ZMAT3: variants seen among roughly 807,000 people sequenced by gnomAD.
The protein encoded by ZMAT3 is zinc finger matrin-type 3, also known as zinc finger matrin-type protein 3.
A neutral mutation model predicts 32.3 loss-of-function variants in ZMAT3; 17 were observed. The ratio of observed to expected loss-of-function variants is 0.53; its 90% CI spans 0.36 to 0.79. The LOEUF is 0.79. ZMAT3 is among the 30% of genes least tolerant of loss of function. ZMAT3 has a pLI of 0.00. For synonymous variants in ZMAT3, 120 were observed against 133.1 expected (o/e 0.90, Z 0.68); for missense variants, 329 against 359.7 (o/e 0.91, Z 0.69).
chr3:179,031,080 G>A, intron 2 of ZMAT3, 81 bp from the exon 3 acceptor site: 1 of 1,274,964 alleles, frequency 7.8e-7, no homozygotes, highest in South Asian at 1.8e-5. Flanking sequence ...GGTCAACTGT[G>A]GTCCAAAAAT....
chr3:179,058,591 C>T (rs925849597), intron 2 of ZMAT3, among the ~76,000 whole-genome samples: 2 of 151,976 alleles, frequency 1.3e-5, no homozygotes, highest in African/African-American at 4.8e-5. Context: ...CCCGTCTCTA[C>T]TAAAAATACA....
intron 2 of ZMAT3, among the ~76,000 whole-genome samples, chr3:179,065,894 A>G (rs1438636283): frequency 6.6e-6 from 1 of 152,206 alleles, no homozygotes; most frequent in Non-Finnish European, 1.5e-5. Flanking sequence ...CAACAGAGCG[A>G]GACTCTGTCT....
intron 2 of ZMAT3, among the ~76,000 whole-genome samples, chr3:179,064,981 C>T (rs116298565): frequency 6.6e-6 from 1 of 152,350 alleles, no homozygotes; most frequent in African/African-American, 2.4e-5. Context: ...GTTACCCTAA[C>T]ATAATTGCTC....
intron 2 of ZMAT3, among the ~76,000 whole-genome samples, chr3:179,054,746 G>A (rs1394673117): frequency 1.3e-5 from 2 of 152,062 alleles, no homozygotes; most frequent in Non-Finnish European, 2.9e-5. Flanking sequence ...TGCCGCCATC[G>A]CAGACCCGCC....
At chr3:179,029,492 C>A (rs1277002617) in intron 3 of ZMAT3, among the ~76,000 whole-genome samples, 1 of 151,874 alleles carries the variant, frequency 6.6e-6, no homozygotes, top group Admixed American at 6.6e-5. Context: ...TTGAGATAGT[C>A]TCGCTCTGTC....
chr3:179,031,541 G>C (rs1229043044), intron 2 of ZMAT3, among the ~76,000 whole-genome samples: 2 of 152,138 alleles, frequency 1.3e-5, no homozygotes, highest in African/African-American at 4.8e-5. Flanking sequence ...GGCTCTAACA[G>C]AACAATTAAA....
At chr3:179,028,751 A>C (rs1052522189) in intron 3 of ZMAT3, among the ~76,000 whole-genome samples, 1 of 152,226 alleles carries the variant, frequency 6.6e-6, no homozygotes, top group Non-Finnish European at 1.5e-5. Flanking sequence ...TTTCCCCACA[A>C]ATCCATGAGA....
chr3:179,061,132 C>A (rs1305143905), intron 2 of ZMAT3, among the ~76,000 whole-genome samples: 2 of 151,574 alleles, frequency 1.3e-5, no homozygotes, highest in Non-Finnish European at 2.9e-5. Flanking sequence ...TCCAACAAAA[C>A]AAGATTTAAA....
chr3:179,045,173 G>T (rs1003927013), intron 2 of ZMAT3, among the ~76,000 whole-genome samples: 1 of 152,090 alleles, frequency 6.6e-6, no homozygotes, highest in African/African-American at 2.4e-5. Context: ...AAATAAGATT[G>T]AGAATGCCCA....
rs945248875 is a variant in ZMAT3, at chr3:179,046,583, C to T, written c.271-15584G>A. On this transcript the variant is annotated intron_variant, in intron 2 of 5. Transcript: ENST00000311417. The surrounding 1 kb of genome is among the most constrained non-coding windows in gnomAD (Gnocchi z 4.3). ...GAACTGAGTCGGCCTGCTTTCTCAG[C>T]TGGGAGGCTTGTGGTCTGGGGCAAG... Among the ~76,000 whole-genome samples, 52 of 152,294 alleles carry T rather than the reference C, an allele frequency of 3.4e-4. No individual in the cohort carries two copies. Among genetic ancestry groups the T allele is most frequent in the Admixed American group, 3.9e-4 (6 of 15,294 alleles).
chr3:179,058,526 G>A (rs549514785), intron 2 of ZMAT3, among the ~76,000 whole-genome samples: 116 of 152,330 alleles, frequency 7.6e-4, no homozygotes, highest in African/African-American at 2.7e-3. Context: ...GGAGGCCGAG[G>A]CGGGCGGATC....
rs980970602 is a variant in ZMAT3 at position 179,024,698 on chromosome 3, G to A, written c.*319C>T. Reference sequence around the variant, plus strand: ...TTTTAAATAGTCAAAGTTCTAAGCCGTCAGGCTACTAGTTGACCAGAACTT... The same window carrying A: ...TTTTAAATAGTCAAAGTTCTAAGCCATCAGGCTACTAGTTGACCAGAACTT... On this transcript the variant is annotated 3_prime_UTR_variant, in exon 6 of 6. Coordinates refer to ENST00000311417, the MANE Select transcript of ZMAT3 (RefSeq NM_022470.4). The A allele has an allele frequency of 2.0e-5, 5 of 244,390 alleles. No individual in the cohort carries two copies. The highest frequency in any genetic ancestry group is 9.0e-5 in the South Asian group (1 of 11,082). The allele number at this position is 244,390 out of a possible 1,614,324, so 15.1% of individuals were successfully genotyped here. A position where few individuals can be genotyped will look rare whatever the true frequency, so the allele number is the denominator to read the frequency against.
intron 4 of ZMAT3, 48 bp downstream of exon 4, chr3:179,027,598 G>A (rs1718941643): frequency 1.2e-6 from 2 of 1,613,656 alleles, no homozygotes. Context: ...TTTAAAGACA[G>A]TCAATCTCAC....
At chr3:179,063,552 A>T (rs1721255640) in intron 2 of ZMAT3, among the ~76,000 whole-genome samples, 1 of 152,232 alleles carries the variant, frequency 6.6e-6, no homozygotes, top group East Asian at 1.9e-4. Flanking sequence ...TATACATGCA[A>T]ATTAGCAAAT....
intron 2 of ZMAT3, among the ~76,000 whole-genome samples, chr3:179,064,320 T>C (rs1187549426): frequency 6.6e-6 from 1 of 152,250 alleles, no homozygotes; most frequent in Non-Finnish European, 1.5e-5. Flanking sequence ...GTTTTTAGTC[T>C]TGAAATAAAA....
intron 2 of ZMAT3, among the ~76,000 whole-genome samples, chr3:179,034,720 T>TCAC (rs1679883204): frequency 6.6e-6 from 1 of 152,160 alleles, no homozygotes; most frequent in Non-Finnish European, 1.5e-5. Flanking sequence ...ATCACCACCA[T>TCAC]CACCACCACC....
chr3:179,067,639 A>G lies in ZMAT3; in HGVS notation c.114T>C (p.Pro38=), dbSNP rs1560100925. 6 of 1,614,082 alleles carry G rather than the reference A, an allele frequency of 3.7e-6. No homozygotes were observed. Among genetic ancestry groups the G allele is most frequent in the Non-Finnish European group, 5.1e-6 (6 of 1,180,004 alleles). ...GAGGCAAGGAAGCCTCCTGCCCAAA[A>G]GGCTTCTGTGGTGGAAGCTGCAAGG... ...TGTLQLPPQK[P]FGQEASLPLA... Residue 38 remains proline (P), a synonymous_variant, in exon 2 of 6, where the codon CCT becomes CCC. Coordinates refer to ENST00000311417, the MANE Select transcript of ZMAT3 (RefSeq NM_022470.4).
intron 2 of ZMAT3, among the ~76,000 whole-genome samples, chr3:179,045,692 T>C (rs1358847604): frequency 6.6e-6 from 1 of 152,146 alleles, no homozygotes; most frequent in African/African-American, 2.4e-5. Context: ...GGGCATAGGA[T>C]AGGGATACAA....
rs180868913 is a variant in ZMAT3 at position 179,036,849 on chromosome 3, T to C, written c.271-5850A>G. Among the ~76,000 whole-genome samples, 252 of 152,242 alleles carry C rather than the reference T, an allele frequency of 1.7e-3. 1 individual carries two copies. Among genetic ancestry groups the C allele is most frequent in the African/African-American group, 6.0e-3 (248 of 41,544 alleles). On this transcript the variant is annotated intron_variant, in intron 2 of 5. Transcript: ENST00000311417. ...TAAAGACTGAAAACTGAGCTGCCAG[T>C]TGCAGGTGGAGTCCACAACGAGAGT... is the stretch of plus-strand genomic sequence containing the variant.
Sources: allele counts gnomAD v4.1 joint callset (sites outside exome capture counted in the v4.1 genomes callset), GRCh38; gene constraint gnomAD v4.1.1; non-coding constraint Gnocchi (gnomAD v3.1); transcripts MANE v1.5; gene names NCBI Gene and HGNC (gene_info 2026-07-23, HGNC 2026-07-21).